The following SDK1 variants were observed in gnomAD, a reference collection of about 807,000 sequenced individuals.
The protein encoded by SDK1 is protein sidekick-1.
A neutral mutation model predicts 245.5 loss-of-function variants in SDK1; 157 were observed. The observed-to-expected ratio is 0.64, with a 90% CI of 0.56 to 0.73. The LOEUF (loss-of-function observed/expected upper bound fraction) is 0.73. Ranked by LOEUF, SDK1 falls within the 30% of genes least tolerant of loss-of-function variation. The probability of loss-of-function intolerance (pLI) is 0.00; values close to 1 mark genes in which losing one functional copy is unlikely to be tolerated. For synonymous variants in SDK1, 1,647 were observed against 1,278.5 expected, an observed-to-expected ratio of 1.29 and a Z score of -6.15; for missense variants, 3,583 against 3,002.3, an observed-to-expected ratio of 1.19 and a Z score of -4.52.
intron 32 of SDK1, among the ~76,000 whole-genome samples, chr7:4,173,179 A>G (rs1056873534): frequency 2.6e-5 from 4 of 152,202 alleles, no homozygotes; most frequent in Non-Finnish European, 5.9e-5. Context: ...GTCTTCAGCC[A>G]TCTTCTGGTC....
At chr7:3,376,079 C>T (rs1781348526) in intron 1 of SDK1, among the ~76,000 whole-genome samples, 1 of 152,070 alleles carries the variant, frequency 6.6e-6, no homozygotes, top group Non-Finnish European at 1.5e-5. Flanking sequence ...TGCCTGCAAT[C>T]CTAGTGCTTT....
chr7:3,934,367 T>C (rs890982098), intron 5 of SDK1, among the ~76,000 whole-genome samples: 1 of 152,248 alleles, frequency 6.6e-6, no homozygotes, highest in Non-Finnish European at 1.5e-5. Flanking sequence ...TCTTGGTTTA[T>C]CTATTAAAGA....
chr7:3,590,300 C>CTTTTCTTT (rs1780825780), intron 1 of SDK1, among the ~76,000 whole-genome samples: 1 of 96,128 alleles, frequency 1.0e-5, no homozygotes, highest in African/African-American at 3.9e-5. Flanking sequence ...TTTCCTGTTC[C>CTTTTCTTT]TTTTTTTTTT....
At chr7:4,256,927 C>T (rs1787669670) in intron 44 of SDK1, among the ~76,000 whole-genome samples, 1 of 152,208 alleles carries the variant, frequency 6.6e-6, no homozygotes, top group Admixed American at 6.5e-5. Context: ...CAGATCCGTT[C>T]CCAGGTGCTC....
chr7:4,216,004 TTC>T (rs1784775330), intron 38 of SDK1, among the ~76,000 whole-genome samples: 1 of 152,254 alleles, frequency 6.6e-6, no homozygotes, highest in Non-Finnish European at 1.5e-5. Flanking sequence ...CGTTCCTGCA[TTC>T]TCTCTTCCTC....
chr7:4,039,814 G>T (rs1437890157), intron 17 of SDK1, among the ~76,000 whole-genome samples: 1 of 152,004 alleles, frequency 6.6e-6, no homozygotes, highest in South Asian at 2.1e-4. Flanking sequence ...ATCATCACTA[G>T]CCAGAAACGA....
At chr7:3,418,421 C>G (rs1162498842) in intron 1 of SDK1, among the ~76,000 whole-genome samples, 1 of 152,092 alleles carries the variant, frequency 6.6e-6, no homozygotes, top group Non-Finnish European at 1.5e-5. Flanking sequence ...GCAGGTGGTG[C>G]AGAGCACTGT....
intron 4 of SDK1, among the ~76,000 whole-genome samples, chr7:3,783,775 C>G (rs1780820881): frequency 6.6e-6 from 1 of 152,128 alleles, no homozygotes; most frequent in African/African-American, 2.4e-5. Flanking sequence ...AATGGCCATA[C>G]TACCAAAACC....
chr7:3,575,278 G>A (rs1435515959), intron 1 of SDK1, among the ~76,000 whole-genome samples: 1 of 151,970 alleles, frequency 6.6e-6, no homozygotes, highest in African/African-American at 2.4e-5. Flanking sequence ...AAGGGAGACA[G>A]CACGCATGAA....
At chr7:3,809,080 G>C (rs776330767) in intron 4 of SDK1, among the ~76,000 whole-genome samples, 1 of 152,082 alleles carries the variant, frequency 6.6e-6, no homozygotes, top group Non-Finnish European at 1.5e-5. Flanking sequence ...TTGGCTCGTA[G>C]ATCTGCAGGC....
chr7:4,083,774 C>A (rs1471336635), intron 22 of SDK1, among the ~76,000 whole-genome samples: 1 of 40,736 alleles, frequency 2.5e-5, no homozygotes, highest in Non-Finnish European at 6.1e-5. Flanking sequence ...TCCCTCCCTT[C>A]TTTCCTCCCT....
intron 1 of SDK1, among the ~76,000 whole-genome samples, chr7:3,399,424 TTCA>T (rs1019749139): frequency 4.2e-4 from 64 of 152,296 alleles, no homozygotes; most frequent in African/African-American, 1.5e-3. Context: ...ACATCTAGGC[TTCA>T]TCAGGGACAG....
At chr7:4,057,221 C>T (rs923531399) in intron 19 of SDK1, among the ~76,000 whole-genome samples, 1 of 152,208 alleles carries the variant, frequency 6.6e-6, no homozygotes, top group Admixed American at 6.5e-5. Context: ...CAACTGCACA[C>T]ACCACCAGGG....
intron 25 of SDK1, among the ~76,000 whole-genome samples, chr7:4,120,271 G>C (rs1190129577): frequency 6.7e-6 from 1 of 149,080 alleles, no homozygotes. Flanking sequence ...CAAGACTGAA[G>C]AAACACCAAT....
At chr7:4,126,059 A>C (rs1784374519) in intron 25 of SDK1, among the ~76,000 whole-genome samples, 1 of 151,966 alleles carries the variant, frequency 6.6e-6, no homozygotes, top group Admixed American at 6.6e-5. Context: ...TGCAGAGTGA[A>C]CCCCCGAATG....
At chr7:3,368,598 G>T (rs1392827845) in intron 1 of SDK1, among the ~76,000 whole-genome samples, 1 of 152,176 alleles carries the variant, frequency 6.6e-6, no homozygotes, top group African/African-American at 2.4e-5. Flanking sequence ...TAACAGAGGA[G>T]ACCCACTGGA....
intron 5 of SDK1, among the ~76,000 whole-genome samples, chr7:3,874,658 T>C (rs975172604): frequency 5.3e-5 from 8 of 152,082 alleles, no homozygotes; most frequent in Admixed American, 1.3e-4. Flanking sequence ...TGCTACAGTT[T>C]TTGTTTTGTT....
At chr7:3,580,320 A>G (rs1189653638) in intron 1 of SDK1, among the ~76,000 whole-genome samples, 1 of 152,236 alleles carries the variant, frequency 6.6e-6, no homozygotes, top group African/African-American at 2.4e-5. Flanking sequence ...ACCAAAAGAG[A>G]GCCTGAATAG....
In SDK1 at chr7:3,673,564, A is replaced by T. The variant is rs148263387; in HGVS notation, c.713+31459A>T. ...GGCCTGTTATTACATGAGTTTATTA[A>T]CATTCACTGTGAGATGCCTTGGTAT... On this transcript the variant is annotated intron_variant, in intron 4 of 44. Transcript: ENST00000404826. Among the ~76,000 whole-genome samples, 453 of 152,350 alleles carry T rather than the reference A, an allele frequency of 3.0e-3. 3 individuals carry two copies. Among genetic ancestry groups the T allele is most frequent in the African/African-American group, 0.01 (435 of 41,574 alleles).
Sources: gnomAD v4.1 joint callset for allele counts (sites outside exome capture counted in the v4.1 genomes callset) on GRCh38, gnomAD v4.1.1 for gene constraint, MANE v1.5 for transcripts, NCBI Gene and HGNC (gene_info 2026-07-23, HGNC 2026-07-21) for gene names.